TTYH1: variants seen among roughly 807,000 people sequenced by gnomAD.
TTYH1 encodes protein tweety homolog 1.
TTYH1 carries 33 observed loss-of-function variants against 61.2 expected under a neutral mutation model. That is an observed-to-expected ratio of 0.54 (90% CI 0.41 to 0.72). TTYH1 has a LOEUF of 0.72. TTYH1 is among the 30% of genes least tolerant of loss of function. The probability of loss-of-function intolerance (pLI) is 0.00; values close to 1 mark genes in which losing one functional copy is unlikely to be tolerated. For synonymous variants in TTYH1, 308 were observed against 266.4 expected (o/e 1.16, Z -1.52); for missense variants, 538 against 575.8 (o/e 0.93, Z 0.67).
rs551665903 is a variant in TTYH1 at position 54,416,567 on chromosome 19, C to T, written c.126+889C>T. The stretch of plus-strand genomic sequence containing the variant: ...ACGGGTCCTGGCCCTGCTGATGGGG[C>T]CTGAGCCCCTGGGCTCCGTCTTGGG... On this transcript the variant is annotated intron_variant, in intron 1 of 13. Coordinates refer to ENST00000376530, the MANE Select transcript of TTYH1 (RefSeq NM_020659.4). This position sits in a 1 kb window ranked among gnomAD's most constrained non-coding sequence, Gnocchi z 7.0. 1.2e-4 allele frequency: 43 copies of T among 365,142 alleles called. No individual in the cohort carries two copies. Among genetic ancestry groups the T allele is most frequent in the Middle Eastern group, 1.0e-3 (1 of 966 alleles). 22.6% of individuals were successfully genotyped at this position (365,142 alleles called of 1,614,324 possible).
At position 54,422,221 on chromosome 19, in the gene TTYH1, C is replaced by T. The variant is rs1434304747; in HGVS notation, c.449C>T (p.Ala150Val). ...VLETVERLGEAVRTELTTLEE... is the reference protein window; with the variant it reads ...VLETVERLGEVVRTELTTLEE... ...GAGACGGTGGAGAGGCTGGGCGAGG[C>T]GGTGAGGACAGAGCTGACCACCCTG... Residue 150 changes from alanine (A) to valine (V), a missense_variant, in exon 4 of 14, where the codon GCG (alanine) becomes GTG (valine). Ala to Val is a moderately conservative substitution (Grantham distance 64). Coordinates refer to ENST00000376530, the MANE Select transcript of TTYH1 (RefSeq NM_020659.4). The T allele has an allele frequency of 8.9e-6, 14 of 1,565,022 alleles. No homozygotes were observed. Among genetic ancestry groups the T allele is most frequent in the South Asian group, 5.9e-5 (5 of 85,164 alleles).
At chr19:54,435,922 C>G (rs745854511) in intron 12 of TTYH1, 49 bp downstream of exon 12, 12 of 1,606,744 alleles carry the variant, frequency 7.5e-6, no homozygotes, top group South Asian at 1.1e-5. Flanking sequence ...GTCCTGAACT[C>G]CTGGGTCTGA....
rs1444131939 is a variant in TTYH1 at position 54,416,736 on chromosome 19, T to A, written c.126+1058T>A. The A allele has an allele frequency of 7.8e-7, 1 of 1,289,790 alleles. No homozygotes were observed. The highest frequency in any genetic ancestry group is 1.5e-5 in the African/African-American group (1 of 65,724). The allele number at this position is 1,289,790 out of a possible 1,614,324, so 79.9% of individuals were successfully genotyped here. On this transcript the variant is annotated intron_variant, in intron 1 of 13. Coordinates refer to ENST00000376530, the MANE Select transcript of TTYH1 (RefSeq NM_020659.4). This position sits in a 1 kb window ranked among gnomAD's most constrained non-coding sequence, Gnocchi z 7.0. ...CCCTGAGCAGCTCTTCCCCGCCTGC[T>A]CCTCGCCGCCCCCTCTCCCCACACA...
intron 1 of TTYH1, among the ~76,000 whole-genome samples, chr19:54,418,007 G>C (rs2083124723): frequency 2.0e-5 from 3 of 148,174 alleles, no homozygotes; most frequent in African/African-American, 5.0e-5. Flanking sequence ...ACACACTTGG[G>C]ACACACACAC....
Position 54,421,966 on chromosome 19 carries a change from G to A in TTYH1, c.418-224G>A, listed in dbSNP as rs1322357760. On this transcript the variant is annotated intron_variant, in intron 3 of 13. Coordinates refer to ENST00000376530, the MANE Select transcript of TTYH1 (RefSeq NM_020659.4). This position sits in a 1 kb window ranked among gnomAD's most constrained non-coding sequence, Gnocchi z 4.8. Reference sequence around the variant, plus strand: ...GCTGGACTTACTACCCTGGGCTCAAGCTACCAACCATCCAGAGCTCTGGAT... The same window carrying A: ...GCTGGACTTACTACCCTGGGCTCAAACTACCAACCATCCAGAGCTCTGGAT... Among the ~76,000 whole-genome samples, 1 of 152,092 alleles carries A rather than the reference G, an allele frequency of 6.6e-6. No individual in the cohort carries two copies. The highest frequency in any genetic ancestry group is 1.9e-4 in the East Asian group (1 of 5,194).
chr19:54,421,294 G>A lies in TTYH1; in HGVS notation c.323G>A (p.Gly108Asp). ...LLAGCTGIGIGFYGNSETSDG... is the reference protein window; with the variant it reads ...LLAGCTGIGIDFYGNSETSDG... ...CCGCTCAGCACTGGCATTGGCATCGGTTTCTATGGCAACAGTGAGACCAGT... is the reference window on the plus strand; with the variant it reads ...CCGCTCAGCACTGGCATTGGCATCGATTTCTATGGCAACAGTGAGACCAGT... Residue 108 changes from glycine (G) to aspartate (D), a missense_variant, in exon 3 of 14, where the codon GGT becomes GAT. Coordinates refer to ENST00000376530, the MANE Select transcript of TTYH1 (RefSeq NM_020659.4). The surrounding 1 kb of genome is among the most constrained non-coding windows in gnomAD (Gnocchi z 4.8). 3 of 1,613,344 alleles carry A rather than the reference G, an allele frequency of 1.9e-6. No individual in the cohort carries two copies. Among genetic ancestry groups the A allele is most frequent in the Non-Finnish European group, 2.5e-6 (3 of 1,179,390 alleles).
In TTYH1 at chr19:54,435,432, AGTTGACGTGTGCAGT is replaced by A. The variant is rs1350833425; in HGVS notation, c.1126-109_1126-95del. 3.2e-4 allele frequency: 425 copies of A among 1,333,160 alleles called. No homozygotes were observed. In the African/African-American group the frequency reaches 5.8e-3, roughly 18 times the overall value. The allele number at this position is 1,333,160 out of a possible 1,614,324, so 82.6% of individuals were successfully genotyped here. A position where few individuals can be genotyped will look rare whatever the true frequency, so the allele number is the denominator to read the frequency against. ...GGGGAAACTGAGGCACAGAGTGGTC[AGTTGACGTGTGCAGT>A]ACCACAGCCGGGAGGACGGTCAGAC... On this transcript the variant is annotated intron_variant, in intron 10 of 13. Coordinates refer to ENST00000376530, the MANE Select transcript of TTYH1 (RefSeq NM_020659.4).
chr19:54,422,541 A>G (rs1042837393), intron 4 of TTYH1, 131 bp downstream of exon 4: 1 of 722,248 alleles, frequency 1.4e-6, no homozygotes, highest in South Asian at 1.9e-5. Context: ...CTGGCATCCA[A>G]TGGGTAGAGC....
At position 54,421,271 on chromosome 19, in the gene TTYH1, G is replaced by T; in HGVS notation, c.306-6G>T. The stretch of plus-strand genomic sequence containing the variant: ...CTGAGATTCCTCTCCCTCCTCCTCC[G>T]CTCAGCACTGGCATTGGCATCGGTT... On this transcript the variant is annotated splice_region_variant and splice_polypyrimidine_tract_variant and intron_variant, in intron 2 of 13. Transcript: ENST00000376530. This position sits in a 1 kb window ranked among gnomAD's most constrained non-coding sequence, Gnocchi z 4.8. The T allele has an allele frequency of 6.2e-7, 1 of 1,601,922 alleles. No individual in the cohort carries two copies. The highest frequency in any genetic ancestry group is 2.2e-5 in the East Asian group (1 of 44,814).
At position 54,429,658 on chromosome 19, in the gene TTYH1, G is replaced by C. The variant is rs1242983291; in HGVS notation, c.808-224G>C. Reference sequence around the variant, plus strand: ...CTGGGTGTGAGGGAGGAGAAGCTGGGGGCCTGGACTCCTGAGTCTGAGGGA... The same window carrying C: ...CTGGGTGTGAGGGAGGAGAAGCTGGCGGCCTGGACTCCTGAGTCTGAGGGA... On this transcript the variant is annotated intron_variant, in intron 6 of 13. Transcript: ENST00000376530. The surrounding 1 kb of genome is among the most constrained non-coding windows in gnomAD (Gnocchi z 5.1). Among the ~76,000 whole-genome samples the C allele has an allele frequency of 2.6e-5, 4 of 151,640 alleles. No homozygotes were observed. Among genetic ancestry groups the C allele is most frequent in the African/African-American group, 9.7e-5 (4 of 41,236 alleles).
chr19:54,415,724 G>A lies in TTYH1; in HGVS notation c.126+46G>A, dbSNP rs1372497782. ...CTGGGGGCCAGGGCTGGGGGCCGGA[G>A]CTCCTGGGTCCCGAGGGAGAAGGGG... On this transcript the variant is annotated intron_variant, in intron 1 of 13. Coordinates refer to ENST00000376530, the MANE Select transcript of TTYH1 (RefSeq NM_020659.4). The surrounding 1 kb of genome is among the most constrained non-coding windows in gnomAD (Gnocchi z 5.2). 6.8e-7 allele frequency: 1 copy of A among 1,476,504 alleles called. No individual in the cohort carries two copies. The highest frequency in any genetic ancestry group is 9.0e-7 in the Non-Finnish European group (1 of 1,111,808). The allele number at this position is 1,476,504 out of a possible 1,614,324, so 91.5% of individuals were successfully genotyped here.
chr19:54,430,467 A>AC (rs1322948609), intron 7 of TTYH1, 83 bp from the exon 8 acceptor site: 4 of 1,483,426 alleles, frequency 2.7e-6, no homozygotes, highest in East Asian at 2.3e-5. Context: ...AACCCTGCTA[A>AC]CCCCCCAGTG....
In TTYH1 at chr19:54,436,001, T is replaced by C. The variant is rs1415319199; in HGVS notation, c.1315-90T>C. 6.4e-6 allele frequency: 10 copies of C among 1,572,718 alleles called. No homozygotes were observed. In the African/African-American group the frequency reaches 1.2e-4, roughly 19 times the overall value. On this transcript the variant is annotated intron_variant, in intron 12 of 13. Coordinates refer to ENST00000376530, the MANE Select transcript of TTYH1 (RefSeq NM_020659.4). This position sits in a 1 kb window ranked among gnomAD's most constrained non-coding sequence, Gnocchi z 4.3. ...AGGGGCTGGGGCCCGGACTCCTGGG[T>C]CTGAGGGAGGAGGGGCTGGGGTCCC...
chr19:54,435,748 G>T lies in TTYH1; in HGVS notation c.1268+64G>T, dbSNP rs2083534641. 19 of 1,611,768 alleles carry T rather than the reference G, an allele frequency of 1.2e-5. No individual in the cohort carries two copies. In the Admixed American group the frequency reaches 2.2e-4, roughly 18 times the overall value. ...AGGAGGGGCAGCACCTGGGGACCAC[G>T]GTGGCAGTGGGGGTGGGGGGTGCAG... On this transcript the variant is annotated intron_variant, in intron 11 of 13. Coordinates refer to ENST00000376530, the MANE Select transcript of TTYH1 (RefSeq NM_020659.4).
At position 54,436,031 on chromosome 19, in the gene TTYH1, T is replaced by C; in HGVS notation, c.1315-60T>C. ...GGGAGGAGGGGCTGGGGTCCCACAG[T>C]ACAAAGCCAATTCCCACTCCATTCC... is the stretch of plus-strand genomic sequence containing the variant. On this transcript the variant is annotated intron_variant, in intron 12 of 13. Coordinates refer to ENST00000376530, the MANE Select transcript of TTYH1 (RefSeq NM_020659.4). This position sits in a 1 kb window ranked among gnomAD's most constrained non-coding sequence, Gnocchi z 4.3. 1 of 1,594,682 alleles carries C rather than the reference T, an allele frequency of 6.3e-7. No homozygotes were observed. Among genetic ancestry groups the C allele is most frequent in the Non-Finnish European group, 8.6e-7 (1 of 1,163,330 alleles).
chr19:54,423,570 A>C (rs535548365), intron 4 of TTYH1, among the ~76,000 whole-genome samples: 2 of 152,288 alleles, frequency 1.3e-5, no homozygotes, highest in South Asian at 4.1e-4. Context: ...ACGCGGCTGC[A>C]ATCAAGTTAC....
rs1310699122 is a variant in TTYH1, at chr19:54,416,020, A to C, written c.126+342A>C. On this transcript the variant is annotated intron_variant, in intron 1 of 13. Transcript: ENST00000376530. The surrounding 1 kb of genome is among the most constrained non-coding windows in gnomAD (Gnocchi z 7.0). ...CCAGGGTCATCGGGAGGGTAGGTCT[A>C]CTCTTCCTGCCCTAAAAGATGACCC... The C allele has an allele frequency of 7.5e-7, 1 of 1,328,550 alleles. No individual in the cohort carries two copies. The highest frequency in any genetic ancestry group is 4.8e-5 in the East Asian group (1 of 20,620). The allele number at this position is 1,328,550 out of a possible 1,614,324, so 82.3% of individuals were successfully genotyped here. A position where few individuals can be genotyped will look rare whatever the true frequency, so the allele number is the denominator to read the frequency against.
chr19:54,430,734 G>A (rs1237220946), intron 8 of TTYH1, 79 bp from the exon 9 acceptor site: 9 of 1,583,832 alleles, frequency 5.7e-6, no homozygotes, highest in Admixed American at 1.7e-5. Context: ...AGGGGCCCGA[G>A]TGCTGTGTCC....
At chr19:54,430,468 C>G in intron 7 of TTYH1, 82 bp from the exon 8 acceptor site, 2 of 1,483,452 alleles carry the variant, frequency 1.3e-6, no homozygotes, top group Non-Finnish European at 1.9e-6. Context: ...ACCCTGCTAA[C>G]CCCCCAGTGC....
Sources: allele counts gnomAD v4.1 joint callset (sites outside exome capture counted in the v4.1 genomes callset), GRCh38; gene constraint gnomAD v4.1.1; non-coding constraint Gnocchi (gnomAD v3.1); transcripts MANE v1.5; gene names NCBI Gene and HGNC (gene_info 2026-07-23, HGNC 2026-07-21).